PNKD: variants seen among roughly 807,000 people sequenced by gnomAD.
PNKD encodes PNKD metallo-beta-lactamase domain containing, also known as probable thioesterase PNKD.
In PNKD, 36 loss-of-function variants were observed where a neutral mutation model predicts 45.3. The ratio of observed to expected loss-of-function variants is 0.80; its 90% CI spans 0.61 to 1.05. The LOEUF (loss-of-function observed/expected upper bound fraction) is 1.05. Ranked by LOEUF, PNKD falls within the 50% of genes least tolerant of loss-of-function variation. The pLI, the probability that PNKD is intolerant of heterozygous loss-of-function variation, is 0.00. For missense variants in PNKD, 511 were observed against 506.6 expected (o/e 1.01, Z -0.08); for synonymous variants, 197 against 210.1 (o/e 0.94, Z 0.54).
chr2:218,271,431 G>A lies in PNKD; in HGVS notation c.118G>A (p.Ala40Thr). Residue 40 changes from alanine (A) to threonine (T), a missense_variant, in exon 2 of 10, where the codon GCC becomes ACC. Coordinates refer to ENST00000273077, the MANE Select transcript of PNKD (RefSeq NM_015488.5). ...ANKASHNRTRALQSHSSPEGK... is the reference protein window; with the variant it reads ...ANKASHNRTRTLQSHSSPEGK... ...CAAGGCTTCTCATAACAGGACCCGG[G>A]CCCTGCAAAGCCACAGCTCCCCAGA... 3 of 1,614,096 alleles carry A rather than the reference G, an allele frequency of 1.9e-6. No individual in the cohort carries two copies. Among genetic ancestry groups the A allele is most frequent in the South Asian group, 2.2e-5 (2 of 91,074 alleles).
intron 2 of PNKD, chr2:218,275,332 A>G: frequency 8.7e-7 from 1 of 1,144,864 alleles, no homozygotes; most frequent in Non-Finnish European, 1.2e-6. Flanking sequence ...CAGAGAGGCC[A>G]CCTGTCTCCA....
At chr2:218,295,091 G>A (rs1386824680) in intron 2 of PNKD, among the ~76,000 whole-genome samples, 2 of 152,200 alleles carry the variant, frequency 1.3e-5, no homozygotes, top group Non-Finnish European at 2.9e-5. Flanking sequence ...CACAAGCCTT[G>A]CTGCGTGCTT....
At chr2:218,335,584 C>A (rs1215494997) in intron 2 of PNKD, among the ~76,000 whole-genome samples, 2 of 144,614 alleles carry the variant, frequency 1.4e-5, no homozygotes, top group Non-Finnish European at 3.0e-5. Context: ...TGGCCAATAG[C>A]AAGGATTCAG....
chr2:218,336,661 A>G (rs763817085), intron 2 of PNKD, among the ~76,000 whole-genome samples: 10 of 151,804 alleles, frequency 6.6e-5, no homozygotes, highest in Non-Finnish European at 1.3e-4. Flanking sequence ...TTGCATTTTT[A>G]GTAGAGACAG....
intron 2 of PNKD, among the ~76,000 whole-genome samples, chr2:218,332,516 A>T (rs1334453711): frequency 6.6e-6 from 1 of 152,104 alleles, no homozygotes; most frequent in Non-Finnish European, 1.5e-5. Context: ...GAGAGCCACT[A>T]GGTCCTCAGG....
chr2:218,270,564 T>G lies in PNKD; in HGVS notation c.29T>G (p.Leu10Arg), dbSNP rs978542223. 1 of 1,212,266 alleles carries G rather than the reference T, an allele frequency of 8.2e-7. No individual in the cohort carries two copies. The highest frequency in any genetic ancestry group is 3.2e-5 in the South Asian group (1 of 31,704). The allele number at this position is 1,212,266 out of a possible 1,614,324, so 75.1% of individuals were successfully genotyped here. A position where few individuals can be genotyped will look rare whatever the true frequency, so the allele number is the denominator to read the frequency against. Residue 10 changes from leucine (L) to arginine (R), a missense_variant, in exon 1 of 10, where the codon CTG becomes CGG. Coordinates refer to ENST00000273077, the MANE Select transcript of PNKD (RefSeq NM_015488.5). ...GCGGCGGTGGTAGCTGCTACGGCGC[T>G]GAAGGGCCGGGGGGCGAGAAATGCC... is the stretch of plus-strand genomic sequence containing the variant. Reference protein sequence around the residue: MAAVVAATALKGRGARNARV... With the variant: MAAVVAATARKGRGARNARV...
At chr2:218,300,746 T>C (rs1450586930) in intron 2 of PNKD, among the ~76,000 whole-genome samples, 1 of 151,678 alleles carries the variant, frequency 6.6e-6, no homozygotes, top group Non-Finnish European at 1.5e-5. Context: ...GTTTTCACCA[T>C]GTTGGTCAGG....
At chr2:218,327,558 C>T (rs543327728) in intron 2 of PNKD, among the ~76,000 whole-genome samples, 42 of 152,256 alleles carry the variant, frequency 2.8e-4, no homozygotes, top group Non-Finnish European at 5.3e-4. Flanking sequence ...CACAGCTTCC[C>T]CCTGCTGCCT....
chr2:218,317,593 G>C (rs569155951), intron 2 of PNKD, among the ~76,000 whole-genome samples: 1 of 152,194 alleles, frequency 6.6e-6, no homozygotes, highest in Non-Finnish European at 1.5e-5. Flanking sequence ...GAGACTAAAG[G>C]CTTCCACTGC....
chr2:218,271,247 ACTT>A (rs1690817910), intron 1 of PNKD, 131 bp from the exon 2 acceptor site: 2 of 821,212 alleles, frequency 2.4e-6, no homozygotes, highest in South Asian at 1.4e-5. Context: ...TCTCCTTGGC[ACTT>A]CTTACTTCAG....
intron 2 of PNKD, among the ~76,000 whole-genome samples, chr2:218,300,871 A>T (rs1333625111): frequency 6.6e-6 from 1 of 152,144 alleles, no homozygotes; most frequent in Non-Finnish European, 1.5e-5. Flanking sequence ...TGGGATTTTT[A>T]AATACTAAGT....
chr2:218,300,556 T>TC (rs1252731765), intron 2 of PNKD, among the ~76,000 whole-genome samples: 3 of 151,112 alleles, frequency 2.0e-5, no homozygotes, highest in African/African-American at 7.3e-5. Context: ...CTTTTCTTTT[T>TC]TTTTTTTGAG....
chr2:218,293,418 A>G (rs1418178818), intron 2 of PNKD, among the ~76,000 whole-genome samples: 2 of 152,154 alleles, frequency 1.3e-5, no homozygotes, highest in Non-Finnish European at 2.9e-5. Flanking sequence ...CCTTGTCTCA[A>G]TTTAAAAAGA....
chr2:218,331,393 G>A (rs572828686), intron 2 of PNKD, among the ~76,000 whole-genome samples: 101 of 151,916 alleles, frequency 6.6e-4, no homozygotes, highest in African/African-American at 2.1e-3. Flanking sequence ...GGCAACAAGA[G>A]CGAAGCTCTG....
chr2:218,331,748 G>T (rs141356335), intron 2 of PNKD, among the ~76,000 whole-genome samples: 1 of 152,124 alleles, frequency 6.6e-6, no homozygotes, highest in Non-Finnish European at 1.5e-5. Flanking sequence ...GATTACAGGC[G>T]TGAGCCACCG....
chr2:218,320,975 C>A (rs148457060), intron 2 of PNKD, among the ~76,000 whole-genome samples: 1 of 152,132 alleles, frequency 6.6e-6, no homozygotes, highest in African/African-American at 2.4e-5. Context: ...TGCATGACTC[C>A]CCTAAAACAC....
chr2:218,276,599 T>C (rs1691235808), intron 2 of PNKD, among the ~76,000 whole-genome samples: 1 of 151,852 alleles, frequency 6.6e-6, no homozygotes, highest in Admixed American at 6.6e-5. Flanking sequence ...GGCACTGTTC[T>C]CCCCCAGCTG....
chr2:218,283,097 G>C (rs574768675), intron 2 of PNKD, among the ~76,000 whole-genome samples: 1 of 152,288 alleles, frequency 6.6e-6, no homozygotes, highest in South Asian at 2.1e-4. Flanking sequence ...AGGACAAAGA[G>C]CTGAGGAGTC....
chr2:218,334,670 C>A (rs1328413051), intron 2 of PNKD: 1 of 701,600 alleles, frequency 1.4e-6, no homozygotes, highest in East Asian at 2.7e-5. Flanking sequence ...TATAGATTTG[C>A]ATTTTTGGCA....
Sources: allele counts gnomAD v4.1 joint callset (sites outside exome capture counted in the v4.1 genomes callset), GRCh38; gene constraint gnomAD v4.1.1; transcripts MANE v1.5; gene names NCBI Gene and HGNC (gene_info 2026-07-23, HGNC 2026-07-21).